Variants in THSD7B observed in about 807,000 individuals in gnomAD.
THSD7B encodes the protein thrombospondin type 1 domain containing 7B, also known as thrombospondin type-1 domain-containing protein 7B.
Under a neutral mutation model 213.6 loss-of-function variants are expected in THSD7B, and 138 were observed. The ratio of observed to expected loss-of-function variants is 0.65; its 90% confidence interval spans 0.56 to 0.74. The LOEUF (loss-of-function observed/expected upper bound fraction) is 0.74. Among genes scored for constraint, THSD7B ranks in the 30% least tolerant of loss-of-function variants. The pLI is 0.00. For missense variants in THSD7B, 1,931 were observed against 1,991.5 expected (o/e 0.97, Z 0.58); for synonymous variants, 742 against 687.0 (o/e 1.08, Z -1.25).
intron 24 of THSD7B, among the ~76,000 whole-genome samples, chr2:137,658,792 C>G (rs560994041): frequency 1.2e-4 from 18 of 152,318 alleles, no homozygotes; most frequent in African/African-American, 3.6e-4. Context: ...TCTGACTGTT[C>G]GCTACTCTGC....
intron 25 of THSD7B, among the ~76,000 whole-genome samples, chr2:137,661,828 A>C (rs544860846): frequency 5.9e-5 from 9 of 152,094 alleles, no homozygotes; most frequent in African/African-American, 2.2e-4. Context: ...GTGGCCATCC[A>C]CAGTGGCCTG....
chr2:137,663,013 T>A (rs1230991653), intron 25 of THSD7B, among the ~76,000 whole-genome samples: 1 of 149,444 alleles, frequency 6.7e-6, no homozygotes, highest in Non-Finnish European at 1.5e-5. Flanking sequence ...TACAATGAGC[T>A]GAGATTGTGC....
intron 1 of THSD7B, among the ~76,000 whole-genome samples, chr2:136,871,346 C>T (rs1374111033): frequency 6.6e-6 from 1 of 152,004 alleles, no homozygotes; most frequent in Non-Finnish European, 1.5e-5. Context: ...GGAGAGTGAG[C>T]AAAGCTAGAG....
At chr2:137,212,356 CA>C (rs1376906348) in intron 7 of THSD7B, among the ~76,000 whole-genome samples, 1 of 151,928 alleles carries the variant, frequency 6.6e-6, no homozygotes, top group African/African-American at 2.4e-5. Context: ...CTCAATGGTA[CA>C]CATAAGTTAT....
intron 2 of THSD7B, among the ~76,000 whole-genome samples, chr2:136,970,964 A>C (rs1685394904): frequency 6.6e-6 from 1 of 152,208 alleles, no homozygotes; most frequent in African/African-American, 2.4e-5. Context: ...CCACAATTAC[A>C]TGTCCATATT....
chr2:137,242,360 G>A, intron 9 of THSD7B, 97 bp from the exon 10 acceptor site: 2 of 864,244 alleles, frequency 2.3e-6, no homozygotes, highest in Non-Finnish European at 3.7e-6. Context: ...AAGGGAACAT[G>A]AGGCCCTTAA....
At chr2:136,844,480 G>GAGAGAC (rs765244144) in intron 1 of THSD7B, among the ~76,000 whole-genome samples, 3 of 149,340 alleles carry the variant, frequency 2.0e-5, no homozygotes, top group Non-Finnish European at 3.0e-5. Context: ...GAGAGAGAGA[G>GAGAGAC]AGAGAGAGAG....
intron 22 of THSD7B, among the ~76,000 whole-genome samples, chr2:137,656,046 T>C (rs1336382856): frequency 6.6e-6 from 1 of 152,182 alleles, no homozygotes; most frequent in Non-Finnish European, 1.5e-5. Flanking sequence ...TTCTGGGTGA[T>C]GGCATGGTTG....
rs956630807 is a variant in THSD7B at position 137,454,456 on chromosome 2, A to T, written c.3138+3433A>T. 3.3e-5 allele frequency among the ~76,000 whole-genome samples: 5 copies of T among 151,264 alleles called. 1 individual carries two copies. Among genetic ancestry groups the T allele is most frequent in the Non-Finnish European group, 7.4e-5 (5 of 67,764 alleles). On this transcript the variant is annotated intron_variant, in intron 15 of 27. Coordinates refer to ENST00000409968, the MANE Select transcript of THSD7B (RefSeq NM_001316349.2). ...TATCTATCTATCTATCTATCTATCT[A>T]TCTATCTATCTATCTATCTATGTGT...
At chr2:136,833,113 G>C (rs940828365) in intron 1 of THSD7B, among the ~76,000 whole-genome samples, 11 of 152,100 alleles carry the variant, frequency 7.2e-5, no homozygotes, top group East Asian at 1.9e-4. Context: ...CGTCTGTAAT[G>C]CCAGCACTTT....
chr2:137,021,062 G>A (rs946832670), intron 2 of THSD7B, among the ~76,000 whole-genome samples: 11 of 152,116 alleles, frequency 7.2e-5, no homozygotes, highest in Admixed American at 2.0e-4. Flanking sequence ...TACCACTTGT[G>A]GAACTGCAGA....
chr2:136,875,730 A>G (rs1049993495), intron 1 of THSD7B, among the ~76,000 whole-genome samples: 1 of 152,174 alleles, frequency 6.6e-6, no homozygotes, highest in African/African-American at 2.4e-5. Flanking sequence ...GAGTTAGGTC[A>G]CTTTGCAGAG....
At chr2:137,632,839 T>G (rs750714019) in intron 20 of THSD7B, among the ~76,000 whole-genome samples, 2 of 152,196 alleles carry the variant, frequency 1.3e-5, no homozygotes, top group Non-Finnish European at 2.9e-5. Context: ...GATGTGATCC[T>G]GGCTTGGACT....
chr2:136,991,022 A>G (rs1334803763), intron 2 of THSD7B: 8 of 1,077,680 alleles, frequency 7.4e-6, no homozygotes, highest in Non-Finnish European at 8.8e-6. Flanking sequence ...GTCCTCCCCA[A>G]AAAAGGAGAA....
chr2:136,976,529 T>G (rs1279557572), intron 2 of THSD7B, among the ~76,000 whole-genome samples: 1 of 152,198 alleles, frequency 6.6e-6, no homozygotes, highest in African/African-American at 2.4e-5. Context: ...CCAACTTGAC[T>G]GTGGTGGATA....
At chr2:137,534,319 T>G (rs186811571) in intron 15 of THSD7B, among the ~76,000 whole-genome samples, 11 of 151,888 alleles carry the variant, frequency 7.2e-5, no homozygotes, top group Admixed American at 1.3e-4. Context: ...TAATAGTGGA[T>G]AGCAGTCCCT....
chr2:137,409,888 C>G (rs964990577), intron 13 of THSD7B, among the ~76,000 whole-genome samples: 5 of 152,122 alleles, frequency 3.3e-5, no homozygotes, highest in African/African-American at 1.2e-4. Context: ...AAAAGATATT[C>G]CAGGGCTTTG....
chr2:137,497,467 C>G (rs924047192), intron 15 of THSD7B, among the ~76,000 whole-genome samples: 14 of 152,004 alleles, frequency 9.2e-5, no homozygotes, highest in African/African-American at 2.9e-4. Flanking sequence ...AAAATCCTCC[C>G]TGCCTTGTTT....
At chr2:137,274,443 G>A (rs543986387) in intron 11 of THSD7B, among the ~76,000 whole-genome samples, 3 of 151,994 alleles carry the variant, frequency 2.0e-5, no homozygotes, top group Admixed American at 6.6e-5. Flanking sequence ...CAGCATGGGC[G>A]CCTTTATCCC....
Sources: allele counts gnomAD v4.1 joint callset (sites outside exome capture counted in the v4.1 genomes callset), GRCh38; gene constraint gnomAD v4.1.1; transcripts MANE v1.5; gene names NCBI Gene and HGNC (gene_info 2026-07-23, HGNC 2026-07-21).